The following ABCG4 variants were observed in gnomAD, a reference collection of about 807,000 sequenced individuals.
ABCG4 encodes ATP-binding cassette sub-family G member 4.
ABCG4 carries 35 observed loss-of-function variants against 64.6 expected under a neutral mutation model. The ratio of observed to expected loss-of-function variants is 0.54; its 90% confidence interval spans 0.41 to 0.72. ABCG4 has a LOEUF of 0.72. ABCG4 is among the 30% of genes least tolerant of loss of function. ABCG4 has a pLI of 0.00. For missense variants in ABCG4, 610 were observed against 846.3 expected (o/e 0.72, Z 3.46); for synonymous variants, 326 against 348.2 (o/e 0.94, Z 0.71).
chr11:119,153,853 G>A, intron 2 of ABCG4, 173 bp from the exon 3 acceptor site: 1 of 646,308 alleles, frequency 1.5e-6, no homozygotes, highest in South Asian at 1.8e-5. Context: ...TAGGGGGACG[G>A]GATGAGAGGG....
At position 119,160,410 on chromosome 11, in the gene ABCG4, T is replaced by G; in HGVS notation, c.1596+25T>G. 6.2e-7 allele frequency: 1 copy of G among 1,603,358 alleles called. No individual in the cohort carries two copies. Among genetic ancestry groups the G allele is most frequent in the Non-Finnish European group, 8.5e-7 (1 of 1,171,792 alleles). ...GGTGGGAGGGCTGGCAGTTGGGAAT[T>G]CCCAAGGCGGGATGAGGTCTTGTGG... On this transcript the variant is annotated intron_variant, in intron 13 of 14. Coordinates refer to ENST00000619701, the MANE Select transcript of ABCG4 (RefSeq NM_022169.5). The surrounding 1 kb of genome is among the most constrained non-coding windows in gnomAD (Gnocchi z 4.6).
Position 119,158,136 on chromosome 11 carries a change from C to T in ABCG4, c.1069-98C>T. The T allele has an allele frequency of 1.0e-6, 1 of 987,122 alleles. No homozygotes were observed. Among genetic ancestry groups the T allele is most frequent in the Non-Finnish European group, 1.5e-6 (1 of 661,590 alleles). The allele number at this position is 987,122 out of a possible 1,614,324, so 61.1% of individuals were successfully genotyped here. The stretch of plus-strand genomic sequence containing the variant: ...TCTGTAGACCTGGAGGACCCCTACC[C>T]TGGGGAAGAGCTCTGAGGTTTTTCA... On this transcript the variant is annotated intron_variant, in intron 9 of 14. Coordinates refer to ENST00000619701, the MANE Select transcript of ABCG4 (RefSeq NM_022169.5). The surrounding 1 kb of genome is among the most constrained non-coding windows in gnomAD (Gnocchi z 4.5).
rs1592300822 is a variant in ABCG4 at position 119,149,889 on chromosome 11, A to T, written c.-12-65A>T. 5 of 1,527,702 alleles carry T rather than the reference A, an allele frequency of 3.3e-6. No homozygotes were observed. Among genetic ancestry groups the T allele is most frequent in the Non-Finnish European group, 4.4e-6 (5 of 1,143,364 alleles). 94.6% of individuals were successfully genotyped at this position (1,527,702 alleles called of 1,614,324 possible). ...CAGTGGGGGCGGGGGAAGCATTAGA[A>T]CGCCAGGGAGCTTTGAGCCGGGCTC... is the stretch of plus-strand genomic sequence containing the variant. On this transcript the variant is annotated intron_variant, in intron 1 of 14. Transcript: ENST00000619701. The surrounding 1 kb of genome is among the most constrained non-coding windows in gnomAD (Gnocchi z 8.3).
chr11:119,153,799 A>G (rs1306859412), intron 2 of ABCG4: 4 of 541,328 alleles, frequency 7.4e-6, no homozygotes, highest in South Asian at 4.6e-5. Context: ...CTTTCAGAAG[A>G]GGATTGTTGC....
At position 119,149,892 on chromosome 11, in the gene ABCG4, C is replaced by T; in HGVS notation, c.-12-62C>T. 1 of 1,538,068 alleles carries T rather than the reference C, an allele frequency of 6.5e-7. No individual in the cohort carries two copies. The highest frequency in any genetic ancestry group is 1.9e-5 in the Admixed American group (1 of 51,638). On this transcript the variant is annotated intron_variant, in intron 1 of 14. Coordinates refer to ENST00000619701, the MANE Select transcript of ABCG4 (RefSeq NM_022169.5). The surrounding 1 kb of genome is among the most constrained non-coding windows in gnomAD (Gnocchi z 8.3). The stretch of plus-strand genomic sequence containing the variant: ...TGGGGGCGGGGGAAGCATTAGAACG[C>T]CAGGGAGCTTTGAGCCGGGCTCGGT...
chr11:119,160,327 C>T lies in ABCG4; in HGVS notation c.1538C>T (p.Thr513Ile), dbSNP rs769891019. The T allele has an allele frequency of 2.5e-6, 4 of 1,613,692 alleles. No homozygotes were observed. The South Asian group carries it at 4.4e-5, about 18-fold the overall frequency. Reference sequence around the variant, plus strand: ...CTCTTCTCAGCCCTGGCCACCGCCACCGCCTTGGTGGCCCAATCTTTGGGG... The same window carrying T: ...CTCTTCTCAGCCCTGGCCACCGCCATCGCCTTGGTGGCCCAATCTTTGGGG... ...FLLFSALATATALVAQSLGLL... is the reference protein window; with the variant it reads ...FLLFSALATAIALVAQSLGLL... The change falls in exon 13 of 15, where the codon ACC (threonine) becomes ATC (isoleucine). Residue 513 changes from threonine (T) to isoleucine (I), a missense_variant. Transcript: ENST00000619701. The surrounding 1 kb of genome is among the most constrained non-coding windows in gnomAD (Gnocchi z 4.6).
At position 119,150,144 on chromosome 11, in the gene ABCG4, A is replaced by T; in HGVS notation, c.179A>T (p.Asp60Val). ...FSHLPKRSAV[D>V]IEFVELSYSV... ...CACCTACCCAAGCGCTCAGCCGTGG[A>T]CATCGAGTTCGTGGAGCTGTCCTAT... Residue 60 changes from aspartate to valine, a missense_variant, in exon 2 of 15, where the codon GAC (aspartate) becomes GTC (valine). Asp to Val is a radical substitution (Grantham distance 152). Transcript: ENST00000619701. The surrounding 1 kb of genome is among the most constrained non-coding windows in gnomAD (Gnocchi z 4.3). 2 of 1,614,160 alleles carry T rather than the reference A, an allele frequency of 1.2e-6. No individual in the cohort carries two copies. Among genetic ancestry groups the T allele is most frequent in the Non-Finnish European group, 1.7e-6 (2 of 1,180,008 alleles).
Position 119,149,940 on chromosome 11 carries a change from C to T in ABCG4, c.-12-14C>T, listed in dbSNP as rs1183198073. ...GGTGGTCTGCCCCAAACTGAGCAGG[C>T]CCTCCCCTTGCAGGTCGGCGGCGTG... On this transcript the variant is annotated splice_polypyrimidine_tract_variant and intron_variant, in intron 1 of 14. Coordinates refer to ENST00000619701, the MANE Select transcript of ABCG4 (RefSeq NM_022169.5). This position sits in a 1 kb window ranked among gnomAD's most constrained non-coding sequence, Gnocchi z 8.3. 2.5e-6 allele frequency: 4 copies of T among 1,597,006 alleles called. No homozygotes were observed. Among genetic ancestry groups the T allele is most frequent in the African/African-American group, 2.7e-5 (2 of 74,858 alleles).
At chr11:119,157,045 A>G (rs1275099881) in intron 9 of ABCG4, 31 bp downstream of exon 9, 5 of 1,568,216 alleles carry the variant, frequency 3.2e-6, no homozygotes, top group Admixed American at 1.9e-5. Context: ...CAGAGCAGGC[A>G]TAGTTGGGGA....
rs1948362531 is a variant in ABCG4, at chr11:119,162,098, G to A, written c.*992G>A. On this transcript the variant is annotated 3_prime_UTR_variant, in exon 15 of 15. Coordinates refer to ENST00000619701, the MANE Select transcript of ABCG4 (RefSeq NM_022169.5). The stretch of plus-strand genomic sequence containing the variant: ...AGGACAGTGCCAACCTCCTCCTGGG[G>A]ATCCCATGTTGGAGACTCTAAGGAT... 1 of 152,934 alleles carries A rather than the reference G, an allele frequency of 6.5e-6. No homozygotes were observed. Among genetic ancestry groups the A allele is most frequent in the Non-Finnish European group, 1.5e-5 (1 of 68,278 alleles). 9.5% of individuals were successfully genotyped at this position (152,934 alleles called of 1,614,324 possible).
chr11:119,156,984 G>A lies in ABCG4; in HGVS notation c.1038G>A (p.Glu346=). The part of the protein sequence containing the change: ...AEKKSSPEKN[E]VPAPCPPCPP... ...AGAAGAGCAGCCCTGAGAAGAACGA[G>A]GTCCCTGCCCCATGCCCTCCTTGTC... Residue 346 remains glutamate (E), a synonymous_variant, in exon 9 of 15, where the codon GAG becomes GAA. Transcript: ENST00000619701. This position sits in a 1 kb window ranked among gnomAD's most constrained non-coding sequence, Gnocchi z 5.5. 2 of 1,613,000 alleles carry A rather than the reference G, an allele frequency of 1.2e-6. No individual in the cohort carries two copies. Among genetic ancestry groups the A allele is most frequent in the Non-Finnish European group, 1.7e-6 (2 of 1,179,478 alleles).
chr11:119,154,370 T>A lies in ABCG4; in HGVS notation c.467T>A (p.Leu156His). The change falls in exon 4 of 15, where the codon CTC becomes CAC. Residue 156 changes from leucine to histidine, a missense_variant. By Grantham distance (99) the Leu-to-His change is moderately conservative. Coordinates refer to ENST00000619701, the MANE Select transcript of ABCG4 (RefSeq NM_022169.5). This position sits in a 1 kb window ranked among gnomAD's most constrained non-coding sequence, Gnocchi z 7.0. ...IMQDDMLLPHLTVLEAMMVSA... is the reference protein window; with the variant it reads ...IMQDDMLLPHHTVLEAMMVSA... ...CAAGATGACATGCTGCTGCCGCACC[T>A]CACGGTGTTGGAAGCCATGATGGTG... 1 of 1,614,184 alleles carries A rather than the reference T, an allele frequency of 6.2e-7. No homozygotes were observed. The highest frequency in any genetic ancestry group is 8.5e-7 in the Non-Finnish European group (1 of 1,180,030).
chr11:119,150,065 A>G lies in ABCG4; in HGVS notation c.100A>G (p.Thr34Ala). 6.2e-7 allele frequency: 1 copy of G among 1,614,054 alleles called. No individual in the cohort carries two copies. Residue 34 changes from threonine to alanine, a missense_variant, in exon 2 of 15, where the codon ACC becomes GCC. Physicochemically the swap from Thr to Ala is moderately conservative, Grantham distance 58. Coordinates refer to ENST00000619701, the MANE Select transcript of ABCG4 (RefSeq NM_022169.5). The surrounding 1 kb of genome is among the most constrained non-coding windows in gnomAD (Gnocchi z 4.3). ...LEDGAEPPVLTTHLKKVENHI... is the reference protein window; with the variant it reads ...LEDGAEPPVLATHLKKVENHI... ...GGACGGGGCGGAACCCCCTGTGCTG[A>G]CCACGCACCTGAAGAAGGTGGAGAA...
intron 2 of ABCG4, chr11:119,153,351 G>A (rs1948216142): frequency 6.5e-6 from 1 of 153,312 alleles, no homozygotes; most frequent in South Asian, 2.1e-4. Flanking sequence ...AATGAAAGGT[G>A]AGATTTTACT....
rs769203694 is a variant in ABCG4 at position 119,156,191 on chromosome 11, G to A, written c.687-138G>A. The A allele has an allele frequency of 1.5e-5, 18 of 1,186,926 alleles. No homozygotes were observed. The highest frequency in any genetic ancestry group is 2.8e-4 in the Middle Eastern group (1 of 3,528). 73.5% of individuals were successfully genotyped at this position (1,186,926 alleles called of 1,614,324 possible). The stretch of plus-strand genomic sequence containing the variant: ...GGGTATCCCTCCAAGTGCCTGAACC[G>A]TAAAGGATACAGATGCGGCCAGAGT... On this transcript the variant is annotated intron_variant, in intron 6 of 14. Coordinates refer to ENST00000619701, the MANE Select transcript of ABCG4 (RefSeq NM_022169.5). The surrounding 1 kb of genome is among the most constrained non-coding windows in gnomAD (Gnocchi z 5.5).
Position 119,158,102 on chromosome 11 carries a change from A to T in ABCG4, c.1069-132A>T. On this transcript the variant is annotated intron_variant, in intron 9 of 14. Coordinates refer to ENST00000619701, the MANE Select transcript of ABCG4 (RefSeq NM_022169.5). This position sits in a 1 kb window ranked among gnomAD's most constrained non-coding sequence, Gnocchi z 4.5. ...GCTTTCAGGTACACAACTTAATGGT[A>T]CAAGATTCTCTGTAGACCTGGAGGA... The T allele has an allele frequency of 1.4e-6, 1 of 716,152 alleles. No homozygotes were observed. Among genetic ancestry groups the T allele is most frequent in the Non-Finnish European group, 2.4e-6 (1 of 424,498 alleles). 44.4% of individuals were successfully genotyped at this position (716,152 alleles called of 1,614,324 possible). A position where few individuals can be genotyped will look rare whatever the true frequency, so the allele number is the denominator to read the frequency against.
In ABCG4 at chr11:119,154,970, C is replaced by T. The variant is rs1437501603; in HGVS notation, c.686+55C>T. 16 of 1,562,682 alleles carry T rather than the reference C, an allele frequency of 1.0e-5. No individual in the cohort carries two copies. Among genetic ancestry groups the T allele is most frequent in the Non-Finnish European group, 1.4e-5 (16 of 1,147,352 alleles). The stretch of plus-strand genomic sequence containing the variant: ...TACCCCTCTCCTCTCGGCCCTGAGC[C>T]AGGGCTGGAGGCTGCATCTTCTCCA... On this transcript the variant is annotated intron_variant, in intron 6 of 14. Coordinates refer to ENST00000619701, the MANE Select transcript of ABCG4 (RefSeq NM_022169.5). This position sits in a 1 kb window ranked among gnomAD's most constrained non-coding sequence, Gnocchi z 7.0.
At position 119,156,609 on chromosome 11, in the gene ABCG4, A is replaced by C. The variant is rs779072546; in HGVS notation, c.856A>C (p.Thr286Pro). 2 of 1,614,092 alleles carry C rather than the reference A, an allele frequency of 1.2e-6. No individual in the cohort carries two copies. Among genetic ancestry groups the C allele is most frequent in the Admixed American group, 3.3e-5 (2 of 60,008 alleles). ...QGQCIFKGVV[T>P]NLIPYLKGLG... ...TCAGTGCATCTTCAAAGGCGTGGTC[A>C]CCAACCTGATCCCCTATCTAAAGGG... The change falls in exon 8 of 15, where the codon ACC (threonine) becomes CCC (proline). Residue 286 changes from threonine to proline, a missense_variant. Coordinates refer to ENST00000619701, the MANE Select transcript of ABCG4 (RefSeq NM_022169.5). The surrounding 1 kb of genome is among the most constrained non-coding windows in gnomAD (Gnocchi z 5.5).
At chr11:119,151,382 A>G (rs1948191977) in intron 2 of ABCG4, among the ~76,000 whole-genome samples, 1 of 151,804 alleles carries the variant, frequency 6.6e-6, no homozygotes, top group Non-Finnish European at 1.5e-5. Flanking sequence ...TGTACTGGCC[A>G]TTTTGCCATT....
Sources: gnomAD v4.1 joint callset for allele counts (sites outside exome capture counted in the v4.1 genomes callset) on GRCh38, gnomAD v4.1.1 for gene constraint, Gnocchi (gnomAD v3.1) non-coding constraint, MANE v1.5 for transcripts, NCBI Gene and HGNC (gene_info 2026-07-23, HGNC 2026-07-21) for gene names.